The following OR1J2 variants were observed in gnomAD, a reference collection of about 807,000 sequenced individuals.
OR1J2 encodes the protein olfactory receptor family 1 subfamily J member 2.
For synonymous variants in OR1J2, 142 were observed against 99.7 expected (o/e 1.42, Z -2.52); for missense variants, 304 against 246.1 (o/e 1.24, Z -1.57).
chr9:122,477,712 G>A, the OR1J2 span: 6 of 1,614,038 alleles, frequency 3.7e-6, no homozygotes, highest in Middle Eastern at 1.7e-4. Flanking sequence ...AGATGAAAAG[G>A]AGATGTCAGT....
At chr9:122,553,669 T>C in the OR1J2 span, 1 of 1,614,128 alleles carries the variant, frequency 6.2e-7, no homozygotes, top group East Asian at 2.2e-5. Flanking sequence ...GTGTGCTGGG[T>C]GCTAACCAAC....
the OR1J2 span, among the ~76,000 whole-genome samples, chr9:122,533,522 T>C: frequency 6.6e-6 from 1 of 151,572 alleles, no homozygotes; most frequent in Non-Finnish European, 1.5e-5. Flanking sequence ...GAAGGAGGCT[T>C]TGAACTGGGG....
the OR1J2 span, among the ~76,000 whole-genome samples, chr9:122,531,056 T>C: frequency 6.6e-6 from 1 of 151,988 alleles, no homozygotes; most frequent in Non-Finnish European, 1.5e-5. Context: ...AGTGGTAAAA[T>C]GTTGGGATGG....
chr9:122,572,559 T>A, the OR1J2 span, among the ~76,000 whole-genome samples: 1 of 141,642 alleles, frequency 7.1e-6, no homozygotes, highest in Non-Finnish European at 1.5e-5. Context: ...CATTGTTTTG[T>A]TTTTTTGGTT....
chr9:122,518,307 G>A, the OR1J2 span, among the ~76,000 whole-genome samples: 5 of 152,312 alleles, frequency 3.3e-5, no homozygotes, highest in African/African-American at 4.8e-5. Context: ...GTCTTAGTCG[G>A]TTGGGCTGCT....
the OR1J2 span, among the ~76,000 whole-genome samples, chr9:122,471,200 T>G: frequency 1.3e-5 from 2 of 152,178 alleles, no homozygotes; most frequent in African/African-American, 2.4e-5. Flanking sequence ...ATAATTCCCA[T>G]GTGTTGTGAG....
At chr9:122,526,208 T>C in the OR1J2 span, 7 of 461,184 alleles carry the variant, frequency 1.5e-5, no homozygotes, top group Non-Finnish European at 2.6e-5. Flanking sequence ...GAAACTGTTA[T>C]CTCCATTTTA....
the OR1J2 span, chr9:122,519,296 C>T: frequency 2.5e-6 from 4 of 1,614,044 alleles, no homozygotes; most frequent in Non-Finnish European, 2.5e-6. Context: ...TCCGGCTGGA[C>T]TCTCACCTTC....
chr9:122,568,298 C>T, the OR1J2 span: 2 of 1,614,078 alleles, frequency 1.2e-6, no homozygotes, highest in Admixed American at 3.3e-5. Flanking sequence ...AGAAGAAATA[C>T]ATAGGGGTCT....
chr9:122,542,303 A>T, the OR1J2 span, among the ~76,000 whole-genome samples: 1 of 152,342 alleles, frequency 6.6e-6, no homozygotes, highest in Admixed American at 6.5e-5. Flanking sequence ...AAATATGCTC[A>T]AACATTTTGT....
the OR1J2 span, among the ~76,000 whole-genome samples, chr9:122,529,504 A>G: frequency 2.0e-5 from 3 of 152,138 alleles, no homozygotes; most frequent in Non-Finnish European, 4.4e-5. Flanking sequence ...TAACATCAGA[A>G]AACTCCCCAA....
the OR1J2 span, chr9:122,477,635 T>G: frequency 6.2e-7 from 1 of 1,614,084 alleles, no homozygotes; most frequent in Non-Finnish European, 8.5e-7. Context: ...GTCTGTGAAA[T>G]GCATCCCTTG....
chr9:122,522,388 C>A, the OR1J2 span, among the ~76,000 whole-genome samples: 1 of 152,092 alleles, frequency 6.6e-6, no homozygotes, highest in Non-Finnish European at 1.5e-5. Flanking sequence ...AACTCCAGCA[C>A]TTGATTTTAG....
the OR1J2 span, among the ~76,000 whole-genome samples, chr9:122,561,449 G>T: frequency 6.6e-6 from 1 of 152,056 alleles, no homozygotes; most frequent in Non-Finnish European, 1.5e-5. Flanking sequence ...GCGTTTTTTC[G>T]TTGATTCTTT....
At chr9:122,541,505 A>G in the OR1J2 span, among the ~76,000 whole-genome samples, 1 of 152,170 alleles carries the variant, frequency 6.6e-6, no homozygotes, top group South Asian at 2.1e-4. Context: ...TTACTTTCTG[A>G]ATAAGTTTGG....
the OR1J2 span, among the ~76,000 whole-genome samples, chr9:122,504,978 C>A: frequency 1.3e-5 from 2 of 152,102 alleles, no homozygotes; most frequent in Non-Finnish European, 2.9e-5. Context: ...TAAGCTGCTA[C>A]TGGCCAATAT....
the OR1J2 span, among the ~76,000 whole-genome samples, chr9:122,561,523 G>A: frequency 3.7e-4 from 57 of 152,100 alleles, no homozygotes; most frequent in Non-Finnish European, 1.0e-4. Context: ...TGAGGTTTTT[G>A]TGGGGACGTT....
At chr9:122,517,029 TTGTA>T in the OR1J2 span, among the ~76,000 whole-genome samples, 7 of 152,158 alleles carry the variant, frequency 4.6e-5, no homozygotes, top group Non-Finnish European at 7.4e-5. Context: ...TTGGTTCAGA[TTGTA>T]TGCAGTCATT....
chr9:122,460,464 G>T, the OR1J2 span, among the ~76,000 whole-genome samples: 1 of 151,852 alleles, frequency 6.6e-6, no homozygotes. Context: ...TGTTTCCTTG[G>T]TCTATATGCC....
Sources: allele counts gnomAD v4.1 joint callset (sites outside exome capture counted in the v4.1 genomes callset), GRCh38; gene constraint gnomAD v4.1.1; transcripts MANE v1.5; gene names NCBI Gene and HGNC (gene_info 2026-07-23, HGNC 2026-07-21).